IFT81: variants seen among roughly 807,000 people sequenced by gnomAD.
IFT81 encodes the protein intraflagellar transport 81, also known as intraflagellar transport protein 81 homolog.
Under a neutral mutation model 102.6 loss-of-function variants are expected in IFT81, and 72 were observed. The observed-to-expected ratio is 0.70, with a 90% CI of 0.58 to 0.85. The LOEUF is 0.85. IFT81 is among the 40% of genes least tolerant of loss of function. IFT81 has a pLI of 0.00. For synonymous variants in IFT81, 237 were observed against 242.7 expected (o/e 0.98, Z 0.22); for missense variants, 723 against 787.3 (o/e 0.92, Z 0.98).
intron 10 of IFT81, among the ~76,000 whole-genome samples, 176 bp from the exon 11 acceptor site, chr12:110,162,743 G>C (rs1896205975): frequency 6.6e-6 from 1 of 152,074 alleles, no homozygotes; most frequent in African/African-American, 2.4e-5. Context: ...TACATTGTAT[G>C]TTCATATTCA....
At chr12:110,217,988 T>C (rs985496726) in intron 18 of IFT81, 56 bp from the exon 19 acceptor site, 28 of 1,275,850 alleles carry the variant, frequency 2.2e-5, no homozygotes, top group Non-Finnish European at 2.6e-5. Flanking sequence ...ACTATAGCAA[T>C]AGAAATAAAC....
intron 10 of IFT81, chr12:110,162,224 C>G (rs1313220654): frequency 6.6e-6 from 1 of 151,808 alleles, no homozygotes; most frequent in Non-Finnish European, 1.5e-5. Context: ...TAAAGGGAAA[C>G]CCACCATGTA....
chr12:110,176,039 T>A (rs1285460537), intron 11 of IFT81, among the ~76,000 whole-genome samples: 2 of 152,118 alleles, frequency 1.3e-5, no homozygotes, highest in Non-Finnish European at 2.9e-5. Flanking sequence ...CCTCTGTGTC[T>A]ATGTTTCCAC....
intron 11 of IFT81, chr12:110,169,127 A>C (rs1252272207): frequency 6.9e-6 from 1 of 144,816 alleles, no homozygotes; most frequent in African/African-American, 2.6e-5. Flanking sequence ...ATTTTGGTAC[A>C]GGCTAGGCAG....
At chr12:110,171,946 T>C (rs1896753546) in intron 11 of IFT81, 1 of 152,250 alleles carries the variant, frequency 6.6e-6, no homozygotes, top group Admixed American at 6.5e-5. Flanking sequence ...TGTAGTTGTC[T>C]ATGCTTATAC....
intron 4 of IFT81, 24 bp from the exon 5 acceptor site, chr12:110,132,523 T>C: frequency 2.9e-6 from 3 of 1,049,976 alleles, no homozygotes; most frequent in Admixed American, 2.3e-5. Context: ...TATTAGTTTA[T>C]AATTTCTTAA....
At chr12:110,188,923 C>T (rs1287098040) in intron 12 of IFT81, among the ~76,000 whole-genome samples, 7 of 150,568 alleles carry the variant, frequency 4.6e-5, no homozygotes, top group Middle Eastern at 3.4e-3. Flanking sequence ...AGCAAGACTC[C>T]GTCTCAAAAA....
At chr12:110,194,540 C>A (rs991757591) in intron 14 of IFT81, among the ~76,000 whole-genome samples, 7 of 152,006 alleles carry the variant, frequency 4.6e-5, no homozygotes, top group African/African-American at 1.7e-4. Flanking sequence ...TTCCAAAATG[C>A]TGGGATTATA....
intron 9 of IFT81, among the ~76,000 whole-genome samples, chr12:110,144,086 C>T (rs1895051249): frequency 6.7e-6 from 1 of 148,430 alleles, no homozygotes; most frequent in Non-Finnish European, 1.5e-5. Context: ...CTTCTCAGCT[C>T]ACTGCAACCT....
chr12:110,148,680 G>C (rs1895359145), intron 10 of IFT81, among the ~76,000 whole-genome samples: 1 of 151,824 alleles, frequency 6.6e-6, no homozygotes, highest in Non-Finnish European at 1.5e-5. Flanking sequence ...TCACCATCTT[G>C]GCCAGGCTGG....
chr12:110,197,803 C>T (rs1437056776), intron 14 of IFT81, among the ~76,000 whole-genome samples: 1 of 152,070 alleles, frequency 6.6e-6, no homozygotes, highest in Non-Finnish European at 1.5e-5. Context: ...ACTTCCGCCT[C>T]CTGGGTTCAA....
In IFT81 at chr12:110,171,317, G is replaced by A. The variant is rs1418051923; in HGVS notation, c.1188+8252G>A. On this transcript the variant is annotated intron_variant, in intron 11 of 18. Transcript: ENST00000242591. ...TGCTTGGACAGCAGTGGAAGCACCC[G>A]TTAGAGATAGTAACAGCTGTGTGGT... Among the ~76,000 whole-genome samples, 6 of 151,294 alleles carry A rather than the reference G, an allele frequency of 4.0e-5. No individual in the cohort carries two copies. In the East Asian group the frequency reaches 7.7e-4, roughly 19 times the overall value.
chr12:110,167,968 C>T (rs1896530441), intron 11 of IFT81: 2 of 188,418 alleles, frequency 1.1e-5, no homozygotes, highest in Non-Finnish European at 2.2e-5. Context: ...CCTCCTACCT[C>T]AGCCTCCTGA....
intron 8 of IFT81, among the ~76,000 whole-genome samples, chr12:110,141,242 T>C (rs1894870794): frequency 1.3e-5 from 2 of 152,134 alleles, no homozygotes; most frequent in Non-Finnish European, 2.9e-5. Context: ...TTCTCCATGT[T>C]GGTCAGGCTG....
rs1894762282 is a variant in IFT81, at chr12:110,139,838, A to AAAAT, written c.781+2982_781+2985dup. On this transcript the variant is annotated intron_variant, in intron 8 of 18. Transcript: ENST00000242591. ...TAAAATAAATAAAATAAAATAAAAT[A>AAAAT]AAATAAAATAAATAAAATAAAATAA... Among the ~76,000 whole-genome samples, 353 of 130,854 alleles carry AAAAT rather than the reference A, an allele frequency of 2.7e-3. 1 individual carries two copies. Among genetic ancestry groups the AAAAT allele is most frequent in the Admixed American group, 4.0e-3 (50 of 12,366 alleles). The allele number at this position is 130,854 out of a possible 152,430, so 85.8% of individuals were successfully genotyped here.
At chr12:110,167,473 A>G (rs1896502727) in intron 11 of IFT81, among the ~76,000 whole-genome samples, 2 of 152,202 alleles carry the variant, frequency 1.3e-5, no homozygotes, top group African/African-American at 2.4e-5. Flanking sequence ...ACTCTATTAA[A>G]TGACTACATT....
chr12:110,139,428 C>T (rs1894717732), intron 8 of IFT81, among the ~76,000 whole-genome samples: 1 of 150,982 alleles, frequency 6.6e-6, no homozygotes, highest in South Asian at 2.1e-4. Flanking sequence ...TAATCATACT[C>T]CTTTGGGAGG....
At chr12:110,198,109 C>CTA (rs1898096984) in intron 14 of IFT81, among the ~76,000 whole-genome samples, 2 of 152,070 alleles carry the variant, frequency 1.3e-5, no homozygotes, top group South Asian at 4.1e-4. Flanking sequence ...TTAGATTTAC[C>CTA]TATATATTTA....
intron 8 of IFT81, among the ~76,000 whole-genome samples, chr12:110,142,480 T>C (rs1314808259): frequency 4.6e-5 from 7 of 152,306 alleles, no homozygotes; most frequent in South Asian, 2.1e-4. Flanking sequence ...TACTCTTTTT[T>C]AGATTTTAAC....
Sources: allele counts gnomAD v4.1 joint callset (sites outside exome capture counted in the v4.1 genomes callset), GRCh38; gene constraint gnomAD v4.1.1; transcripts MANE v1.5; gene names NCBI Gene and HGNC (gene_info 2026-07-23, HGNC 2026-07-21).